The following PCDHGA7 variants were observed in gnomAD, a reference collection of about 807,000 sequenced individuals.
PCDHGA7 encodes protocadherin gamma-A7.
A neutral mutation model predicts 58.3 loss-of-function variants in PCDHGA7; 44 were observed. The observed-to-expected ratio is 0.75, with a 90% CI of 0.59 to 0.97. The LOEUF is 0.97. PCDHGA7 is among the 50% of genes least tolerant of loss of function. PCDHGA7 has a pLI of 0.00. For missense variants in PCDHGA7, 1,266 were observed against 1,188.7 expected (o/e 1.06, Z -0.96); for synonymous variants, 516 against 504.2 (o/e 1.02, Z -0.31).
chr5:141,403,051 C>G (rs1273209859), intron 1 of PCDHGA7: 1 of 1,614,086 alleles, frequency 6.2e-7, no homozygotes, highest in African/African-American at 1.3e-5. Flanking sequence ...AGATTCGCTA[C>G]TCAGTGCCTG....
At position 141,486,001 on chromosome 5, in the gene PCDHGA7, C is replaced by G. The variant is rs771993915; in HGVS notation, c.2425-8806C>G. 6.2e-7 allele frequency: 1 copy of G among 1,614,194 alleles called. No homozygotes were observed. Among genetic ancestry groups the G allele is most frequent in the Non-Finnish European group, 8.5e-7 (1 of 1,180,024 alleles). On this transcript the variant is annotated intron_variant, in intron 1 of 3. Transcript: ENST00000518325. The surrounding 1 kb of genome is among the most constrained non-coding windows in gnomAD (Gnocchi z 5.0). ...ACCCGGACCTGGGTCCCAGTGGTAACGTCACCTTTTATTTCAGTGGTCATA... is the reference window on the plus strand; with the variant it reads ...ACCCGGACCTGGGTCCCAGTGGTAAGGTCACCTTTTATTTCAGTGGTCATA...
chr5:141,413,051 C>T (rs1316813444), intron 1 of PCDHGA7: 1 of 952,822 alleles, frequency 1.0e-6, no homozygotes, highest in African/African-American at 1.7e-5. Context: ...TGCAGGGAAG[C>T]TCACTCCAGA....
intron 1 of PCDHGA7, among the ~76,000 whole-genome samples, chr5:141,449,342 C>T (rs895923034): frequency 3.3e-5 from 5 of 151,854 alleles, no homozygotes; most frequent in Non-Finnish European, 5.9e-5. Context: ...TGCAGTGGCT[C>T]ACTCCTGTAA....
intron 1 of PCDHGA7, chr5:141,419,027 G>A (rs1415215066): frequency 6.2e-7 from 1 of 1,613,870 alleles, no homozygotes; most frequent in Admixed American, 1.7e-5. Flanking sequence ...AAGTAGAGGT[G>A]TTCCATTTAA....
intron 1 of PCDHGA7, chr5:141,404,696 G>A (rs757662807): frequency 6.2e-7 from 1 of 1,614,104 alleles, no homozygotes; most frequent in Non-Finnish European, 8.5e-7. Context: ...ACCCCGCTCT[G>A]CAGAGCCTGG....
At chr5:141,403,168 G>T in intron 1 of PCDHGA7, 14 of 1,614,032 alleles carry the variant, frequency 8.7e-6, no homozygotes, top group African/African-American at 1.3e-5. Flanking sequence ...GAGGTAGGAC[G>T]CAGCTTTTCT....
intron 1 of PCDHGA7, among the ~76,000 whole-genome samples, chr5:141,460,912 G>GTATA (rs34683754): frequency 4.0e-5 from 6 of 149,324 alleles, no homozygotes; most frequent in South Asian, 2.1e-4. Context: ...ATTCCATGGT[G>GTATA]TATATATATA....
rs766164142 is a variant in PCDHGA7, at chr5:141,477,910, G to T, written c.2425-16897G>T. ...TGTCACGGGTGGTAGGCTGGGACGC[G>T]GATGCAGGGCACAATGCCTGGCTCT... On this transcript the variant is annotated intron_variant, in intron 1 of 3. Transcript: ENST00000518325. This position sits in a 1 kb window ranked among gnomAD's most constrained non-coding sequence, Gnocchi z 4.9. The T allele has an allele frequency of 6.2e-7, 1 of 1,614,048 alleles. No individual in the cohort carries two copies. Among genetic ancestry groups the T allele is most frequent in the African/African-American group, 1.3e-5 (1 of 74,932 alleles).
intron 1 of PCDHGA7, among the ~76,000 whole-genome samples, chr5:141,436,290 T>C (rs2097808305): frequency 6.6e-6 from 1 of 152,164 alleles, no homozygotes; most frequent in Non-Finnish European, 1.5e-5. Flanking sequence ...GAACAAATCA[T>C]TGAGAGTTAG....
At chr5:141,404,023 A>G in intron 1 of PCDHGA7, 1 of 1,613,874 alleles carries the variant, frequency 6.2e-7, no homozygotes, top group South Asian at 1.1e-5. Context: ...GCCCAGTGAG[A>G]GAAGACGCAC....
chr5:141,389,628 C>T (rs2091851910), intron 1 of PCDHGA7: 1 of 1,613,000 alleles, frequency 6.2e-7, no homozygotes, highest in Non-Finnish European at 8.5e-7. Context: ...CGCTGCAGAG[C>T]CTGGCTACTT....
chr5:141,417,766 C>T (rs564920153), intron 1 of PCDHGA7: 7 of 1,442,472 alleles, frequency 4.9e-6, no homozygotes, highest in African/African-American at 4.3e-5. Context: ...AGACCCGGGA[C>T]TCCTCCTGTC....
intron 1 of PCDHGA7, among the ~76,000 whole-genome samples, chr5:141,444,229 T>G (rs957213677): frequency 4.6e-5 from 6 of 130,226 alleles, no homozygotes; most frequent in Admixed American, 9.4e-5. Context: ...TGGAGTGCAA[T>G]GGCATGCTCT....
intron 1 of PCDHGA7, among the ~76,000 whole-genome samples, chr5:141,454,194 G>A (rs949915652): frequency 6.6e-5 from 10 of 152,304 alleles, no homozygotes; most frequent in Non-Finnish European, 4.4e-5. Context: ...CTTAGTGAAG[G>A]TGAATTTATT....
At chr5:141,394,285 T>C (rs1463926417) in intron 1 of PCDHGA7, 2 of 1,613,942 alleles carry the variant, frequency 1.2e-6, no homozygotes, top group Admixed American at 1.7e-5. Context: ...ACTTACTCTG[T>C]GACCGAGGAC....
chr5:141,394,926 C>T, intron 1 of PCDHGA7: 2 of 1,613,844 alleles, frequency 1.2e-6, no homozygotes, highest in Non-Finnish European at 1.7e-6. Context: ...CTGTGTCTTC[C>T]TCGCCTTTGT....
At chr5:141,429,388 A>T (rs6890453) in intron 1 of PCDHGA7, among the ~76,000 whole-genome samples, 24,714 of 140,916 alleles carry the variant, frequency 0.18, 2,276 homozygotes, top group African/African-American at 0.28. Flanking sequence ...TTTTTTTTTT[A>T]AAAAAAATTG....
At chr5:141,463,796 G>T (rs139760353) in intron 1 of PCDHGA7, among the ~76,000 whole-genome samples, 3 of 152,114 alleles carry the variant, frequency 2.0e-5, no homozygotes, top group Non-Finnish European at 2.9e-5. Flanking sequence ...TTGAACAAAT[G>T]TCTAAAAGCT....
At chr5:141,474,854 T>G (rs1007461186) in intron 1 of PCDHGA7, among the ~76,000 whole-genome samples, 3 of 152,260 alleles carry the variant, frequency 2.0e-5, no homozygotes, top group African/African-American at 7.2e-5. Flanking sequence ...CCTGCCTTCT[T>G]CATTTAATAG....
Sources: gnomAD v4.1 joint callset for allele counts (sites outside exome capture counted in the v4.1 genomes callset) on GRCh38, gnomAD v4.1.1 for gene constraint, Gnocchi (gnomAD v3.1) non-coding constraint, MANE v1.5 for transcripts, NCBI Gene and HGNC (gene_info 2026-07-23, HGNC 2026-07-21) for gene names.